LHFPL2: variants seen among roughly 807,000 people sequenced by gnomAD.
LHFPL2 encodes LHFPL tetraspan subfamily member 2 protein.
LHFPL2 carries 7 observed loss-of-function variants against 17.5 expected under a neutral mutation model. That is an observed-to-expected ratio of 0.40 (90% CI 0.23 to 0.75). The LOEUF (loss-of-function observed/expected upper bound fraction) is 0.75. Ranked by LOEUF, LHFPL2 falls within the 30% of genes least tolerant of loss-of-function variation. LHFPL2 has a pLI of 0.37. For synonymous variants in LHFPL2, 134 were observed against 116.2 expected, an observed-to-expected ratio of 1.15 and a Z score of -0.99; for missense variants, 241 against 294.8, an observed-to-expected ratio of 0.82 and a Z score of 1.34.
chr5:78,544,201 C>T (rs770102436), intron 3 of LHFPL2, among the ~76,000 whole-genome samples: 1 of 152,228 alleles, frequency 6.6e-6, no homozygotes, highest in Non-Finnish European at 1.5e-5. Flanking sequence ...CCTGTGAGAA[C>T]TTCAACACCC....
chr5:78,514,200 A>C (rs1755220736), intron 3 of LHFPL2, among the ~76,000 whole-genome samples: 1 of 148,582 alleles, frequency 6.7e-6, no homozygotes, highest in African/African-American at 2.5e-5. Context: ...CATTCTACCT[A>C]AAAGACTTCT....
At chr5:78,635,769 C>G (rs1401357115) in intron 1 of LHFPL2, among the ~76,000 whole-genome samples, 1 of 152,184 alleles carries the variant, frequency 6.6e-6, no homozygotes, top group African/African-American at 2.4e-5. Flanking sequence ...CGCCACTGCA[C>G]TCCAGCCTGG....
At chr5:78,572,104 T>C (rs1308806902) in intron 2 of LHFPL2, among the ~76,000 whole-genome samples, 1 of 152,106 alleles carries the variant, frequency 6.6e-6, no homozygotes, top group Admixed American at 6.5e-5. Context: ...CTTTTAAGGT[T>C]TGAAGTACCT....
At chr5:78,517,355 C>T (rs1360589290) in intron 3 of LHFPL2, among the ~76,000 whole-genome samples, 1 of 152,156 alleles carries the variant, frequency 6.6e-6, no homozygotes, top group African/African-American at 2.4e-5. Flanking sequence ...TTCTTGATGC[C>T]AACTCCAACT....
chr5:78,521,367 T>C (rs1210122039), intron 3 of LHFPL2, among the ~76,000 whole-genome samples: 1 of 152,248 alleles, frequency 6.6e-6, no homozygotes, highest in East Asian at 1.9e-4. Flanking sequence ...AATGATCTAA[T>C]AAAATGTCTT....
At chr5:78,515,434 C>G (rs1253369956) in intron 3 of LHFPL2, among the ~76,000 whole-genome samples, 2 of 152,220 alleles carry the variant, frequency 1.3e-5, no homozygotes, top group Non-Finnish European at 2.9e-5. Flanking sequence ...AAAGGCTAGA[C>G]TGGTAGATGC....
chr5:78,549,581 T>C (rs1756380118), intron 3 of LHFPL2, among the ~76,000 whole-genome samples: 1 of 152,148 alleles, frequency 6.6e-6, no homozygotes, highest in Non-Finnish European at 1.5e-5. Context: ...CAACACACAT[T>C]GGCATGCTGA....
chr5:78,567,940 T>C (rs1321249239), intron 2 of LHFPL2, among the ~76,000 whole-genome samples: 1 of 152,180 alleles, frequency 6.6e-6, no homozygotes, highest in Non-Finnish European at 1.5e-5. Flanking sequence ...TACTGCTTTT[T>C]CATTTGTTCA....
intron 3 of LHFPL2, among the ~76,000 whole-genome samples, chr5:78,520,825 T>C (rs1485623195): frequency 6.7e-6 from 1 of 150,302 alleles, no homozygotes; most frequent in Non-Finnish European, 1.5e-5. Flanking sequence ...CTGCTACAAA[T>C]GAGGCCCCCC....
chr5:78,599,041 A>G (rs1442268323), intron 2 of LHFPL2, among the ~76,000 whole-genome samples: 1 of 152,176 alleles, frequency 6.6e-6, no homozygotes, highest in Non-Finnish European at 1.5e-5. Context: ...GCATTCAAGC[A>G]CTGGTCACAG....
At chr5:78,643,010 G>C (rs1745734465) in intron 1 of LHFPL2, among the ~76,000 whole-genome samples, 1 of 151,950 alleles carries the variant, frequency 6.6e-6, no homozygotes, top group Non-Finnish European at 1.5e-5. Flanking sequence ...TATGGCCATG[G>C]AGCTGTTTCT....
intron 3 of LHFPL2, among the ~76,000 whole-genome samples, chr5:78,549,736 C>A (rs925023925): frequency 7.9e-5 from 12 of 152,174 alleles, no homozygotes; most frequent in African/African-American, 2.7e-4. Context: ...TAGAACAGTT[C>A]CAGTTGAATA....
intron 1 of LHFPL2, among the ~76,000 whole-genome samples, chr5:78,639,436 A>G (rs1398382700): frequency 6.6e-6 from 1 of 152,218 alleles, no homozygotes; most frequent in African/African-American, 2.4e-5. Flanking sequence ...TACAGTCACC[A>G]GTTTAAGCCG....
intron 2 of LHFPL2, among the ~76,000 whole-genome samples, chr5:78,582,890 G>A (rs1054737390): frequency 5.3e-4 from 81 of 152,100 alleles, no homozygotes; most frequent in Middle Eastern, 3.2e-3. Flanking sequence ...GTGGGCTGTT[G>A]AAGTCTCCCA....
chr5:78,639,381 C>T lies in LHFPL2; in HGVS notation c.-349-7013G>A, dbSNP rs562419179. Among the ~76,000 whole-genome samples, 289 of 152,280 alleles carry T rather than the reference C, an allele frequency of 1.9e-3. 1 individual carries two copies. Among genetic ancestry groups the T allele is most frequent in the Admixed American group, 7.6e-3 (116 of 15,296 alleles). ...CAAAATGCATAAATAGTCAAGACAA[C>T]CTAAGCACACCCACTTACCAAAAGG... is the stretch of plus-strand genomic sequence containing the variant. On this transcript the variant is annotated intron_variant, in intron 1 of 4. Transcript: ENST00000380345.
intron 1 of LHFPL2, among the ~76,000 whole-genome samples, chr5:78,647,151 C>T (rs913902756): frequency 2.0e-5 from 3 of 152,158 alleles, no homozygotes; most frequent in African/African-American, 7.2e-5. Flanking sequence ...CACAGTATGA[C>T]AGCAAAAAGA....
At chr5:78,536,710 T>C (rs1230060086) in intron 3 of LHFPL2, among the ~76,000 whole-genome samples, 1 of 152,254 alleles carries the variant, frequency 6.6e-6, no homozygotes, top group Admixed American at 6.5e-5. Context: ...ATGTCTATTA[T>C]ACAATGTTCA....
At chr5:78,550,565 T>TTTATTTAG (rs1276310976) in intron 3 of LHFPL2, among the ~76,000 whole-genome samples, 4 of 64,014 alleles carry the variant, frequency 6.2e-5, no homozygotes, top group Non-Finnish European at 1.6e-4. Flanking sequence ...TTTATTTATT[T>TTTATTTAG]TTATTTATTT....
intron 4 of LHFPL2, among the ~76,000 whole-genome samples, chr5:78,509,097 C>G (rs1402110575): frequency 6.6e-6 from 1 of 152,196 alleles, no homozygotes; most frequent in East Asian, 1.9e-4. Flanking sequence ...AGAGCTCATG[C>G]TTTTACTTTC....
Sources: gnomAD v4.1 joint callset for allele counts (sites outside exome capture counted in the v4.1 genomes callset) on GRCh38, gnomAD v4.1.1 for gene constraint, MANE v1.5 for transcripts, NCBI Gene and HGNC (gene_info 2026-07-23, HGNC 2026-07-21) for gene names.